PROS1: variants seen among roughly 807,000 people sequenced by gnomAD.
PROS1 encodes the protein protein S, also known as vitamin K-dependent protein S.
Under a neutral mutation model 75.9 loss-of-function variants are expected in PROS1, and 29 were observed. That is an observed-to-expected ratio of 0.38 (90% CI 0.28 to 0.52). The LOEUF (loss-of-function observed/expected upper bound fraction) is 0.52. Among genes scored for constraint, PROS1 ranks in the 20% least tolerant of loss-of-function variants. The probability of loss-of-function intolerance (pLI) is 0.83; values close to 1 mark genes in which losing one functional copy is unlikely to be tolerated. For missense variants in PROS1, 680 were observed against 810.3 expected, an observed-to-expected ratio of 0.84 and a Z score of 1.95; for synonymous variants, 245 against 280.6, an observed-to-expected ratio of 0.87 and a Z score of 1.27.
intron 1 of PROS1, among the ~76,000 whole-genome samples, chr3:93,937,647 G>C (rs865825275): frequency 2.0e-5 from 3 of 152,112 alleles, no homozygotes; most frequent in East Asian, 1.9e-4. Flanking sequence ...GATTACAGGC[G>C]TGAGTCACCA....
chr3:93,914,190 G>C (rs1708804916), intron 3 of PROS1, among the ~76,000 whole-genome samples: 1 of 152,170 alleles, frequency 6.6e-6, no homozygotes, highest in Admixed American at 6.5e-5. Context: ...GGCTCTCGGG[G>C]CTTCCCAACT....
chr3:93,891,419 C>A (rs1463250976), intron 10 of PROS1, among the ~76,000 whole-genome samples: 1 of 151,832 alleles, frequency 6.6e-6, no homozygotes, highest in Non-Finnish European at 1.5e-5. Flanking sequence ...ATGCTAATTT[C>A]TTTTCTTTCT....
At chr3:93,952,078 A>G (rs1253853459) in intron 1 of PROS1, among the ~76,000 whole-genome samples, 2 of 152,222 alleles carry the variant, frequency 1.3e-5, no homozygotes, top group Non-Finnish European at 1.5e-5. Context: ...CCAGATTCAC[A>G]AAGCAAGTCC....
At chr3:93,951,386 T>G (rs527859389) in intron 1 of PROS1, among the ~76,000 whole-genome samples, 1 of 152,164 alleles carries the variant, frequency 6.6e-6, no homozygotes. Flanking sequence ...ATCAGACTAA[T>G]AGCAGATCTC....
At chr3:93,945,749 A>G (rs1275851117) in intron 1 of PROS1, among the ~76,000 whole-genome samples, 2 of 152,228 alleles carry the variant, frequency 1.3e-5, no homozygotes, top group Non-Finnish European at 2.9e-5. Flanking sequence ...AAACTGGCAT[A>G]AAACAGGGAT....
chr3:93,945,617 T>G (rs1338346201), intron 1 of PROS1, among the ~76,000 whole-genome samples: 2 of 152,186 alleles, frequency 1.3e-5, no homozygotes, highest in Non-Finnish European at 2.9e-5. Flanking sequence ...CAGCTCTTCA[T>G]GCTAAAAACT....
chr3:93,887,949 G>A (rs1467854607), intron 10 of PROS1, among the ~76,000 whole-genome samples: 1 of 152,172 alleles, frequency 6.6e-6, no homozygotes, highest in Non-Finnish European at 1.5e-5. Context: ...TATGTACATA[G>A]GCTAGTCATG....
chr3:93,924,581 T>G (rs1195108615), intron 2 of PROS1, among the ~76,000 whole-genome samples: 1 of 152,088 alleles, frequency 6.6e-6, no homozygotes, highest in Non-Finnish European at 1.5e-5. Context: ...TTTTCCATAA[T>G]GATTAGATAA....
At chr3:93,969,327 A>G (rs1709840040) in intron 1 of PROS1, among the ~76,000 whole-genome samples, 1 of 152,082 alleles carries the variant, frequency 6.6e-6, no homozygotes, top group Non-Finnish European at 1.5e-5. Context: ...AGTTATTTGC[A>G]TTATATCAGA....
intron 1 of PROS1, among the ~76,000 whole-genome samples, chr3:93,972,868 C>A (rs549862101): frequency 2.0e-5 from 3 of 151,966 alleles, no homozygotes; most frequent in African/African-American, 4.8e-5. Flanking sequence ...AACAAAAAGG[C>A]GTTTTTATTC....
At chr3:93,960,854 T>C (rs1390267248) in intron 1 of PROS1, among the ~76,000 whole-genome samples, 1 of 151,472 alleles carries the variant, frequency 6.6e-6, no homozygotes. Context: ...CAGAGGGCTC[T>C]AATAAAAGTA....
intron 1 of PROS1, among the ~76,000 whole-genome samples, chr3:93,936,524 C>CT (rs1348697354): frequency 6.6e-6 from 1 of 152,154 alleles, no homozygotes; most frequent in Non-Finnish European, 1.5e-5. Flanking sequence ...TGTGCTTTCT[C>CT]TATCCCCTGT....
chr3:93,901,479 A>T (rs1372807706), intron 6 of PROS1, among the ~76,000 whole-genome samples: 1 of 152,210 alleles, frequency 6.6e-6, no homozygotes, highest in South Asian at 2.1e-4. Flanking sequence ...TGCATATATT[A>T]TATTGCCAAA....
At chr3:93,895,529 A>G (rs1284568080) in intron 9 of PROS1, among the ~76,000 whole-genome samples, 2 of 152,238 alleles carry the variant, frequency 1.3e-5, no homozygotes, top group Non-Finnish European at 2.9e-5. Flanking sequence ...GAATTATTTA[A>G]TGAATAATCA....
At chr3:93,932,764 A>G (rs1351723689) in intron 1 of PROS1, among the ~76,000 whole-genome samples, 2 of 152,300 alleles carry the variant, frequency 1.3e-5, no homozygotes, top group South Asian at 2.1e-4. Flanking sequence ...TATTGGTTTC[A>G]TAAGAGCCCC....
chr3:93,901,148 T>C (rs1708587619), intron 6 of PROS1, among the ~76,000 whole-genome samples: 1 of 152,224 alleles, frequency 6.6e-6, no homozygotes, highest in African/African-American at 2.4e-5. Context: ...ATGTTTGCCA[T>C]GTTCCTTTCT....
chr3:93,892,442 C>T (rs1195184826), intron 10 of PROS1, among the ~76,000 whole-genome samples: 4 of 151,844 alleles, frequency 2.6e-5, no homozygotes, highest in South Asian at 2.1e-4. Context: ...TGGACCAACA[C>T]GGAGAAACCC....
intron 1 of PROS1, among the ~76,000 whole-genome samples, chr3:93,943,172 C>T (rs1388232733): frequency 6.6e-6 from 1 of 152,150 alleles, no homozygotes; most frequent in Non-Finnish European, 1.5e-5. Context: ...TTACCAACCT[C>T]AATCTTTAGG....
intron 1 of PROS1, among the ~76,000 whole-genome samples, chr3:93,947,705 T>A (rs1396562238): frequency 6.6e-6 from 1 of 152,108 alleles, no homozygotes. Flanking sequence ...TAGCTGGGAC[T>A]ACAGGCGCCT....
Sources: allele counts gnomAD v4.1 joint callset (sites outside exome capture counted in the v4.1 genomes callset), GRCh38; gene constraint gnomAD v4.1.1; transcripts MANE v1.5; gene names NCBI Gene and HGNC (gene_info 2026-07-23, HGNC 2026-07-21).